The following SPAG16 variants were observed in gnomAD, a reference collection of about 807,000 sequenced individuals.
SPAG16 encodes the protein sperm-associated antigen 16 protein.
SPAG16 carries 86 observed loss-of-function variants against 80.4 expected under a neutral mutation model. That is an observed-to-expected ratio of 1.07 (90% confidence interval 0.90 to 1.28). The LOEUF (loss-of-function observed/expected upper bound fraction) is 1.28, where lower values mean the gene tolerates loss of function less well. SPAG16 is among the 50% of genes most tolerant of loss of function. The pLI, the probability that SPAG16 is intolerant of heterozygous loss-of-function variation, is 0.00. For synonymous variants in SPAG16, 294 were observed against 265.9 expected (o/e 1.11, Z -1.03); for missense variants, 870 against 765.3 (o/e 1.14, Z -1.61).
At chr2:213,635,075 G>T (rs773246180) in intron 10 of SPAG16, among the ~76,000 whole-genome samples, 1 of 143,520 alleles carries the variant, frequency 7.0e-6, no homozygotes, top group African/African-American at 2.6e-5. Flanking sequence ...TCGCTTTGTT[G>T]CCCAGGCTGG....
At chr2:213,582,113 A>G (rs1052532679) in intron 10 of SPAG16, among the ~76,000 whole-genome samples, 2 of 152,072 alleles carry the variant, frequency 1.3e-5, no homozygotes, top group African/African-American at 4.8e-5. Context: ...TTTACAATAT[A>G]AACACTTACC....
At chr2:213,602,092 C>A (rs2061086965) in intron 10 of SPAG16, among the ~76,000 whole-genome samples, 4 of 152,224 alleles carry the variant, frequency 2.6e-5, no homozygotes, top group Middle Eastern at 3.2e-3. Context: ...AATGCTCACC[C>A]TTGCCTGCCA....
At chr2:213,979,918 T>A (rs2045608994) in intron 12 of SPAG16, among the ~76,000 whole-genome samples, 1 of 152,058 alleles carries the variant, frequency 6.6e-6, no homozygotes, top group Admixed American at 6.6e-5. Context: ...CAGCCTTCAA[T>A]TTCTATCTTA....
intron 13 of SPAG16, among the ~76,000 whole-genome samples, chr2:214,042,784 G>A (rs144009217): frequency 0.011 from 1,638 of 152,156 alleles, 33 homozygotes; most frequent in African/African-American, 0.037. Flanking sequence ...AGAGTCTCCT[G>A]CAAATTTATC....
chr2:214,035,667 C>T (rs921269435), intron 13 of SPAG16, among the ~76,000 whole-genome samples: 12 of 152,136 alleles, frequency 7.9e-5, no homozygotes, highest in South Asian at 2.1e-4. Flanking sequence ...CCCCTGGGGG[C>T]GGGGGTCCTT....
At chr2:214,358,332 G>A (rs1463987678) in intron 15 of SPAG16, among the ~76,000 whole-genome samples, 1 of 151,870 alleles carries the variant, frequency 6.6e-6, no homozygotes, top group Admixed American at 6.6e-5. Flanking sequence ...CACCAGAAAT[G>A]AGCAGATAGA....
intron 10 of SPAG16, among the ~76,000 whole-genome samples, chr2:213,700,966 G>T (rs2065386092): frequency 6.6e-6 from 1 of 152,210 alleles, no homozygotes. Flanking sequence ...TGGTGGCCAG[G>T]CACGGTGGCT....
rs868336584 is a variant in SPAG16 at position 213,676,813 on chromosome 2, A to G, written c.1071-185672A>G. Among the ~76,000 whole-genome samples, 17 of 150,408 alleles carry G rather than the reference A, an allele frequency of 1.1e-4. 1 individual carries two copies. Among genetic ancestry groups the G allele is most frequent in the Admixed American group, 2.0e-4 (3 of 15,084 alleles). On this transcript the variant is annotated intron_variant, in intron 10 of 15. Coordinates refer to ENST00000331683, the MANE Select transcript of SPAG16 (RefSeq NM_024532.5). ...TATTTTATTGAGGATTTTTGCATCA[A>G]TGTTCATCAAGGATATTGGTCTAAA...
At chr2:214,372,285 C>T (rs1699873882) in intron 15 of SPAG16, among the ~76,000 whole-genome samples, 1 of 152,160 alleles carries the variant, frequency 6.6e-6, no homozygotes, top group Non-Finnish European at 1.5e-5. Flanking sequence ...TGTTCTATTT[C>T]CTTTCCATGG....
intron 10 of SPAG16, among the ~76,000 whole-genome samples, chr2:213,624,494 C>G (rs2061891622): frequency 6.6e-6 from 1 of 151,554 alleles, no homozygotes. Context: ...GAGTTTATAG[C>G]CCTGGGGCCT....
chr2:213,618,321 C>T (rs79415062), intron 10 of SPAG16, among the ~76,000 whole-genome samples: 4,747 of 152,266 alleles, frequency 0.031, 102 homozygotes, highest in Non-Finnish European at 0.041. Flanking sequence ...TCTACTCTAT[C>T]CTCACTGCCT....
intron 9 of SPAG16, among the ~76,000 whole-genome samples, chr2:213,477,086 CA>C (rs746984232): frequency 4.8e-4 from 73 of 152,022 alleles, no homozygotes; most frequent in Non-Finnish European, 4.1e-4. Context: ...AAAAAGGCAT[CA>C]TTTGATGGGT....
intron 10 of SPAG16, among the ~76,000 whole-genome samples, chr2:213,545,412 G>C (rs532167709): frequency 5.3e-5 from 8 of 152,034 alleles, no homozygotes; most frequent in African/African-American, 1.9e-4. Context: ...CCAGTCTGTG[G>C]CTTCTGTTTT....
chr2:213,696,844 G>T (rs1043109472), intron 10 of SPAG16, among the ~76,000 whole-genome samples: 2 of 152,156 alleles, frequency 1.3e-5, no homozygotes, highest in African/African-American at 4.8e-5. Flanking sequence ...AACTCTTCTT[G>T]TAAGTTTTAT....
At chr2:214,112,296 G>T (rs1312126728) in intron 14 of SPAG16, among the ~76,000 whole-genome samples, 1 of 152,266 alleles carries the variant, frequency 6.6e-6, no homozygotes, top group South Asian at 2.1e-4. Context: ...TGTTGATTTG[G>T]GGTGGAGAGT....
At chr2:213,672,008 T>C (rs1246840803) in intron 10 of SPAG16, among the ~76,000 whole-genome samples, 1 of 152,196 alleles carries the variant, frequency 6.6e-6, no homozygotes, top group Non-Finnish European at 1.5e-5. Flanking sequence ...ATGAAGTAAC[T>C]AAAAGTGATT....
intron 15 of SPAG16, among the ~76,000 whole-genome samples, chr2:214,377,656 C>A (rs1414495492): frequency 6.6e-6 from 1 of 152,088 alleles, no homozygotes; most frequent in Admixed American, 6.6e-5. Flanking sequence ...TAGTTAAGTT[C>A]TGGGGTAGTC....
At chr2:213,576,406 A>G (rs2126026288) in intron 10 of SPAG16, among the ~76,000 whole-genome samples, 1 of 152,188 alleles carries the variant, frequency 6.6e-6, no homozygotes, top group East Asian at 1.9e-4. Flanking sequence ...ATTGAGGAAG[A>G]CAGTGTGGCA....
intron 9 of SPAG16, among the ~76,000 whole-genome samples, chr2:213,436,371 A>G (rs1185305601): frequency 6.6e-6 from 1 of 152,174 alleles, no homozygotes; most frequent in African/African-American, 2.4e-5. Context: ...TGTTCCCCAT[A>G]TGGCAAGCAA....
Sources: gnomAD v4.1 joint callset for allele counts (sites outside exome capture counted in the v4.1 genomes callset) on GRCh38, gnomAD v4.1.1 for gene constraint, MANE v1.5 for transcripts, NCBI Gene and HGNC (gene_info 2026-07-23, HGNC 2026-07-21) for gene names.